TMIGD1: variants seen among roughly 807,000 people sequenced by gnomAD.
The protein encoded by TMIGD1 is transmembrane and immunoglobulin domain-containing protein 1.
Under a neutral mutation model 27.5 loss-of-function variants are expected in TMIGD1, and 29 were observed. The observed-to-expected ratio is 1.05, with a 90% CI of 0.78 to 1.44. The LOEUF (loss-of-function observed/expected upper bound fraction) is 1.44, where lower values mean the gene tolerates loss of function less well. Ranked by LOEUF, TMIGD1 falls within the 40% of genes most tolerant of loss-of-function variation. The pLI is 0.00. For missense variants in TMIGD1, 334 were observed against 310.6 expected (o/e 1.08, Z -0.57); for synonymous variants, 109 against 110.3 (o/e 0.99, Z 0.07).
At chr17:30,318,659 C>A (rs1909500308) in intron 5 of TMIGD1, 151 bp downstream of exon 5, 3 of 560,780 alleles carry the variant, frequency 5.3e-6, no homozygotes, top group African/African-American at 1.9e-5. Flanking sequence ...ATTTTTATTC[C>A]CTTGAGCAAC....
chr17:30,317,077 T>C, intron 6 of TMIGD1, 116 bp downstream of exon 6: 1 of 1,245,486 alleles, frequency 8.0e-7, no homozygotes, highest in East Asian at 2.3e-5. Context: ...TCTATTCTCC[T>C]TTGAACCCCT....
chr17:30,329,028 G>GA (rs71138881), intron 3 of TMIGD1, among the ~76,000 whole-genome samples: 1 of 148,798 alleles, frequency 6.7e-6, no homozygotes, highest in African/African-American at 2.5e-5. Flanking sequence ...AAAGAGAAAA[G>GA]AAAAAAAAGA....
intron 2 of TMIGD1, among the ~76,000 whole-genome samples, chr17:30,331,583 A>ATTTTT (rs71360742): frequency 5.3e-5 from 7 of 133,202 alleles, no homozygotes; most frequent in African/African-American, 1.7e-4. Context: ...TTTCCATTTG[A>ATTTTT]TTTTTTTTTT....
rs1048624422 is a variant in TMIGD1, at chr17:30,317,296, T to C, written c.745-63A>G. 1.9e-6 allele frequency: 3 copies of C among 1,584,730 alleles called. No individual in the cohort carries two copies. In the African/African-American group the frequency reaches 4.0e-5, roughly 21 times the overall value. ...AAGGCCCATGGAGAAATATTTTGAA[T>C]GCATTAAGATGGCTCGAGGACAGGT... is the stretch of plus-strand genomic sequence containing the variant. On this transcript the variant is annotated intron_variant, in intron 5 of 6. Transcript: ENST00000328886.
At position 30,316,463 on chromosome 17, in the gene TMIGD1, AAGG is replaced by A. The variant is rs1202918776; in HGVS notation, c.*221_*223del. On this transcript the variant is annotated 3_prime_UTR_variant, in exon 7 of 7. Coordinates refer to ENST00000328886, the MANE Select transcript of TMIGD1 (RefSeq NM_206832.3). ...ATCTCAATTAATTAACATATACTTC[AAGG>A]AGAAGACTTAACAAAATCTTACTTT... 1 of 512,642 alleles carries A rather than the reference AAGG, an allele frequency of 2.0e-6. No individual in the cohort carries two copies. Among genetic ancestry groups the A allele is most frequent in the South Asian group, 3.0e-5 (1 of 33,666 alleles). 31.8% of individuals were successfully genotyped at this position (512,642 alleles called of 1,614,324 possible). A position where few individuals can be genotyped will look rare whatever the true frequency, so the allele number is the denominator to read the frequency against.
chr17:30,327,268 T>G (rs1435306181), intron 3 of TMIGD1, among the ~76,000 whole-genome samples: 1 of 152,038 alleles, frequency 6.6e-6, no homozygotes, highest in Non-Finnish European at 1.5e-5. Context: ...AATACAAAAA[T>G]CAGCTCGGCC....
chr17:30,326,312 C>T (rs1909772142), intron 3 of TMIGD1, among the ~76,000 whole-genome samples: 1 of 152,104 alleles, frequency 6.6e-6, no homozygotes, highest in African/African-American at 2.4e-5. Context: ...TGAATATCCC[C>T]TCTGTAAAAA....
intron 4 of TMIGD1, 62 bp from the exon 5 acceptor site, chr17:30,318,975 G>A: frequency 8.5e-7 from 1 of 1,178,718 alleles, no homozygotes; most frequent in Non-Finnish European, 1.3e-6. Context: ...ATACGTCCCA[G>A]CAATGGTGCC....
intron 4 of TMIGD1, among the ~76,000 whole-genome samples, chr17:30,323,428 T>G (rs1909682075): frequency 6.6e-6 from 1 of 152,134 alleles, no homozygotes; most frequent in South Asian, 2.1e-4. Context: ...TGAGGGCTCA[T>G]GAAAATCTTG....
chr17:30,316,396 A>T lies in TMIGD1; in HGVS notation c.*291T>A. Reference sequence around the variant, plus strand: ...CCAAGTATCTCCTACCTAGAAAAAAAACACACTAAACAGTAAATGATTACC... The same window carrying T: ...CCAAGTATCTCCTACCTAGAAAAAATACACACTAAACAGTAAATGATTACC... On this transcript the variant is annotated 3_prime_UTR_variant, in exon 7 of 7. Transcript: ENST00000328886. 3.3e-6 allele frequency: 1 copy of T among 303,828 alleles called. No homozygotes were observed. Among genetic ancestry groups the T allele is most frequent in the Non-Finnish European group, 6.0e-6 (1 of 167,288 alleles). The allele number at this position is 303,828 out of a possible 1,614,324, so 18.8% of individuals were successfully genotyped here.
chr17:30,319,261 A>AAAAAAAAAAAAAAAAAAAAAAATATATAT, intron 4 of TMIGD1, among the ~76,000 whole-genome samples: 11 of 69,024 alleles, frequency 1.6e-4, no homozygotes, highest in African/African-American at 8.2e-4. Context: ...AAAAAAAAAA[A>AAAAAAAAAAAAAAAAAAAAAAATATATAT]ATATATATAT....
intron 3 of TMIGD1, among the ~76,000 whole-genome samples, chr17:30,326,295 G>A (rs1909771480): frequency 6.6e-6 from 1 of 152,154 alleles, no homozygotes; most frequent in Admixed American, 6.5e-5. Context: ...AAGCATATCA[G>A]TATATGTGAA....
Position 30,324,978 on chromosome 17 carries a change from T to A in TMIGD1, c.478A>T (p.Ser160Cys). 1 of 1,614,154 alleles carries A rather than the reference T, an allele frequency of 6.2e-7. No individual in the cohort carries two copies. Among genetic ancestry groups the A allele is most frequent in the Non-Finnish European group, 8.5e-7 (1 of 1,179,998 alleles). The stretch of plus-strand genomic sequence containing the variant: ...CGGCTTTTCTCTAAATCGAGGAGAC[T>A]ACTGTTTTTGTACCACATCATTTGA... ...QAQMMWYKNS[S>C]LLDLEKSRHQ... The change falls in exon 4 of 7, where the codon AGT becomes TGT. Residue 160 changes from serine to cysteine, a missense_variant. Physicochemically the swap from Ser to Cys is moderately radical, Grantham distance 112. Transcript: ENST00000328886.
chr17:30,324,724 C>T, intron 4 of TMIGD1, 92 bp downstream of exon 4: 4 of 1,434,862 alleles, frequency 2.8e-6, no homozygotes, highest in Admixed American at 4.1e-5. Flanking sequence ...CTAATCATAA[C>T]CGTTATTATC....
At chr17:30,324,764 C>G in intron 4 of TMIGD1, 52 bp downstream of exon 4, 1 of 1,553,342 alleles carries the variant, frequency 6.4e-7, no homozygotes, top group Non-Finnish European at 8.8e-7. Flanking sequence ...ATTCACTGAG[C>G]ATCTGGTGTG....
At chr17:30,331,320 CT>C (rs5819895) in intron 2 of TMIGD1, among the ~76,000 whole-genome samples, 1,993 of 146,914 alleles carry the variant, frequency 0.014, 39 homozygotes, top group African/African-American at 0.047. Flanking sequence ...TTGTACTTTT[CT>C]TTTTTTTTTT....
chr17:30,322,894 G>C (rs1446074284), intron 4 of TMIGD1, among the ~76,000 whole-genome samples: 3 of 152,180 alleles, frequency 2.0e-5, no homozygotes, highest in African/African-American at 4.8e-5. Flanking sequence ...CTTTGGTCGG[G>C]GCATGGTGGT....
chr17:30,328,735 C>T (rs927457690), intron 3 of TMIGD1, among the ~76,000 whole-genome samples: 2 of 152,024 alleles, frequency 1.3e-5, no homozygotes, highest in African/African-American at 2.4e-5. Context: ...GTAGGCGGTT[C>T]ACTCGAGGTT....
intron 2 of TMIGD1, 102 bp from the exon 3 acceptor site, chr17:30,329,631 A>C: frequency 3.4e-6 from 3 of 871,496 alleles, no homozygotes; most frequent in Non-Finnish European, 5.2e-6. Flanking sequence ...CAGTAGAACA[A>C]AATAAACTCT....
Sources: gnomAD v4.1 joint callset for allele counts (sites outside exome capture counted in the v4.1 genomes callset) on GRCh38, gnomAD v4.1.1 for gene constraint, MANE v1.5 for transcripts, NCBI Gene and HGNC (gene_info 2026-07-23, HGNC 2026-07-21) for gene names.